Variants in PSMA1 observed in about 807,000 individuals in gnomAD.
The protein encoded by PSMA1 is proteasome subunit alpha type-1.
In PSMA1, 3 loss-of-function variants were observed where a neutral mutation model predicts 38.4. The observed-to-expected ratio is 0.08, with a 90% CI of 0.04 to 0.20. PSMA1 has a LOEUF of 0.20. PSMA1 is among the 10% of genes least tolerant of loss of function. PSMA1 has a pLI of 1.00. For synonymous variants in PSMA1, 101 were observed against 107.1 expected, an observed-to-expected ratio of 0.94 and a Z score of 0.35; for missense variants, 227 against 325.3, an observed-to-expected ratio of 0.70 and a Z score of 2.32.
At chr11:14,604,510 G>GA (rs1323972534) in intron 2 of PSMA1, among the ~76,000 whole-genome samples, 5 of 151,744 alleles carry the variant, frequency 3.3e-5, no homozygotes, top group Non-Finnish European at 7.4e-5. Flanking sequence ...GGTCACATGA[G>GA]AAAAAAAGGT....
At chr11:14,560,011 G>T (rs1201643093) in intron 2 of PSMA1, among the ~76,000 whole-genome samples, 1 of 152,168 alleles carries the variant, frequency 6.6e-6, no homozygotes, top group Non-Finnish European at 1.5e-5. Flanking sequence ...AGAAGGCTGG[G>T]CCTTAATACC....
chr11:14,639,116 G>A (rs527320061), intron 1 of PSMA1, among the ~76,000 whole-genome samples: 15 of 152,056 alleles, frequency 9.9e-5, no homozygotes, highest in Non-Finnish European at 2.2e-4. Context: ...AAAAGTACTA[G>A]AATATATGCT....
chr11:14,624,674 G>A (rs935555780), intron 1 of PSMA1, among the ~76,000 whole-genome samples: 6 of 152,196 alleles, frequency 3.9e-5, no homozygotes, highest in African/African-American at 1.2e-4. Context: ...CATCTTGGCA[G>A]GGGTAATCAA....
intron 2 of PSMA1, among the ~76,000 whole-genome samples, chr11:14,571,238 A>AT (rs1442179175): frequency 6.6e-6 from 1 of 151,888 alleles, no homozygotes; most frequent in East Asian, 1.9e-4. Context: ...AATTTTTTGT[A>AT]TTTTTTAGTA....
intron 1 of PSMA1, among the ~76,000 whole-genome samples, chr11:14,622,903 A>T (rs1205637877): frequency 2.0e-5 from 3 of 152,236 alleles, no homozygotes; most frequent in Non-Finnish European, 4.4e-5. Context: ...ATTCTGGGGC[A>T]AGGCTATGCC....
chr11:14,589,025 C>T (rs951129101), intron 2 of PSMA1, among the ~76,000 whole-genome samples: 1 of 152,180 alleles, frequency 6.6e-6, no homozygotes, highest in African/African-American at 2.4e-5. Flanking sequence ...ACCCTTCTTA[C>T]TCTTTCTTGA....
At chr11:14,618,057 A>G (rs1007673748) in intron 1 of PSMA1, among the ~76,000 whole-genome samples, 1 of 152,170 alleles carries the variant, frequency 6.6e-6, no homozygotes, top group African/African-American at 2.4e-5. Flanking sequence ...AAAGATTCCC[A>G]TTTGACCGCT....
chr11:14,635,957 T>G (rs553161990), intron 1 of PSMA1, among the ~76,000 whole-genome samples: 1 of 152,216 alleles, frequency 6.6e-6, no homozygotes. Context: ...TAGGGAAGAC[T>G]GTAGGTAGTA....
At chr11:14,513,476 T>A in intron 7 of PSMA1, 94 bp downstream of exon 7, 5 of 1,217,084 alleles carry the variant, frequency 4.1e-6, no homozygotes, top group Non-Finnish European at 4.2e-6. Context: ...TCTATAAGAC[T>A]TACAGTTTTA....
At chr11:14,586,110 A>T (rs1004048398) in intron 2 of PSMA1, among the ~76,000 whole-genome samples, 10 of 152,102 alleles carry the variant, frequency 6.6e-5, no homozygotes, top group African/African-American at 2.4e-4. Flanking sequence ...CCCTCTGTCT[A>T]CTAATCCACT....
At chr11:14,585,691 C>T (rs548629669) in intron 2 of PSMA1, among the ~76,000 whole-genome samples, 33 of 152,168 alleles carry the variant, frequency 2.2e-4, no homozygotes, top group Non-Finnish European at 4.3e-4. Context: ...CTCTTTTATT[C>T]GCCCCTCCTA....
intron 2 of PSMA1, among the ~76,000 whole-genome samples, chr11:14,593,075 A>G (rs1007329843): frequency 2.0e-5 from 3 of 152,200 alleles, no homozygotes; most frequent in African/African-American, 4.8e-5. Flanking sequence ...TGAATGTACA[A>G]AACACTGTGT....
intron 4 of PSMA1, among the ~76,000 whole-genome samples, chr11:14,517,392 C>A (rs1023270081): frequency 6.6e-6 from 1 of 152,204 alleles, no homozygotes; most frequent in Non-Finnish European, 1.5e-5. Flanking sequence ...AAACGATATA[C>A]ATTGTATTAA....
chr11:14,594,880 G>C (rs1340045858), intron 2 of PSMA1, among the ~76,000 whole-genome samples: 1 of 152,010 alleles, frequency 6.6e-6, no homozygotes, highest in Non-Finnish European at 1.5e-5. Context: ...ATTTACATTA[G>C]GTAATTCTCC....
chr11:14,566,317 C>G (rs1029079171), intron 2 of PSMA1, among the ~76,000 whole-genome samples: 3 of 152,062 alleles, frequency 2.0e-5, no homozygotes, highest in Non-Finnish European at 2.9e-5. Flanking sequence ...TGGCTTGGAG[C>G]AGAGGGGTAG....
chr11:14,554,248 CCTT>C (rs1313855642), intron 2 of PSMA1, among the ~76,000 whole-genome samples: 1 of 152,104 alleles, frequency 6.6e-6, no homozygotes, highest in Non-Finnish European at 1.5e-5. Context: ...TTTGCAGACA[CCTT>C]CTTTCAGCCT....
At chr11:14,640,318 C>T (rs977255149) in intron 1 of PSMA1, among the ~76,000 whole-genome samples, 1 of 152,152 alleles carries the variant, frequency 6.6e-6, no homozygotes, top group African/African-American at 2.4e-5. Context: ...AACAATTACA[C>T]AGTGGGGGCA....
chr11:14,616,231 G>GTTTTT lies in PSMA1; in HGVS notation c.-165-5085_-165-5081dup, dbSNP rs34292683. On this transcript the variant is annotated intron_variant, in intron 1 of 10. Coordinates refer to the PSMA1 transcript ENST00000418988. ...AGGTGAGAGTTGGAGGATCCCAACA[G>GTTTTT]TTTTTTTTTTTTTTTTTTTTGAGAC... Among the ~76,000 whole-genome samples the GTTTTT allele has an allele frequency of 1.3e-4, 17 of 126,682 alleles. 5 individuals carry two copies. The highest frequency in any genetic ancestry group is 1.7e-4 in the Admixed American group (2 of 12,004). The allele number at this position is 126,682 out of a possible 152,430, so 83.1% of individuals were successfully genotyped here.
intron 2 of PSMA1, among the ~76,000 whole-genome samples, chr11:14,561,025 TTTC>T (rs1218029887): frequency 6.6e-6 from 1 of 152,218 alleles, no homozygotes; most frequent in Non-Finnish European, 1.5e-5. Flanking sequence ...ACATAATATT[TTTC>T]TTTTCATGTA....
Sources: allele counts gnomAD v4.1 joint callset (sites outside exome capture counted in the v4.1 genomes callset), GRCh38; gene constraint gnomAD v4.1.1; transcripts MANE v1.5; gene names NCBI Gene and HGNC (gene_info 2026-07-23, HGNC 2026-07-21).